Variants in OSBPL5 observed in about 807,000 individuals in gnomAD.
OSBPL5 encodes oxysterol binding protein like 5, also known as oxysterol-binding protein-related protein 5.
Under a neutral mutation model 111.2 loss-of-function variants are expected in OSBPL5, and 71 were observed. That is an observed-to-expected ratio of 0.64 (90% CI 0.53 to 0.78). OSBPL5 has a LOEUF of 0.78. OSBPL5 is among the 30% of genes least tolerant of loss of function. The pLI is 0.00. For missense variants in OSBPL5, 1,210 were observed against 1,189.3 expected, an observed-to-expected ratio of 1.02 and a Z score of -0.26; for synonymous variants, 549 against 513.9, an observed-to-expected ratio of 1.07 and a Z score of -0.93.
chr11:3,103,881 T>TTCCAGCCTCTGC (rs1564830854), intron 10 of OSBPL5, among the ~76,000 whole-genome samples: 4 of 49,870 alleles, frequency 8.0e-5, no homozygotes, highest in South Asian at 4.8e-4. Context: ...CCTGCCTCTG[T>TTCCAGCCTCTGC]AGCCCCATTC....
rs138283497 is a variant in OSBPL5, at chr11:3,138,233, G to A, written c.-21-9064C>T. 6.5e-3 allele frequency among the ~76,000 whole-genome samples: 987 copies of A among 152,300 alleles called. 6 individuals carry two copies. The highest frequency in any genetic ancestry group is 0.011 in the Non-Finnish European group (730 of 68,008). On this transcript the variant is annotated intron_variant, in intron 1 of 21. Transcript: ENST00000263650. ...CTTGGTACCCCGACCCCACACCCCTGTAGTCGATCACTCCACCAGCCCTAA... is the reference window on the plus strand; with the variant it reads ...CTTGGTACCCCGACCCCACACCCCTATAGTCGATCACTCCACCAGCCCTAA...
At position 3,142,027 on chromosome 11, in the gene OSBPL5, C is replaced by T. The variant is rs144900071; in HGVS notation, c.-21-12858G>A. The stretch of plus-strand genomic sequence containing the variant: ...TCCCGGGTTCAAGCAATTATCCTGC[C>T]TCAGCCTCCCGCGTTGCTGGGACTA... On this transcript the variant is annotated intron_variant, in intron 1 of 21. Transcript: ENST00000263650. The surrounding 1 kb of genome is among the most constrained non-coding windows in gnomAD (Gnocchi z 7.1). Among the ~76,000 whole-genome samples, 380 of 152,336 alleles carry T rather than the reference C, an allele frequency of 2.5e-3. 3 individuals carry two copies. Among genetic ancestry groups the T allele is most frequent in the African/African-American group, 8.4e-3 (349 of 41,594 alleles).
intron 1 of OSBPL5, among the ~76,000 whole-genome samples, chr11:3,155,403 G>A (rs763632772): frequency 1.9e-4 from 29 of 152,098 alleles, no homozygotes; most frequent in Non-Finnish European, 3.7e-4. Flanking sequence ...CCCAAGCACC[G>A]AGGGGGGATG....
At position 3,092,723 on chromosome 11, in the gene OSBPL5, G is replaced by T; in HGVS notation, c.2132+144C>A. 7.6e-7 allele frequency: 1 copy of T among 1,320,098 alleles called. No homozygotes were observed. Among genetic ancestry groups the T allele is most frequent in the South Asian group, 1.5e-5 (1 of 65,670 alleles). The allele number at this position is 1,320,098 out of a possible 1,614,324, so 81.8% of individuals were successfully genotyped here. A position where few individuals can be genotyped will look rare whatever the true frequency, so the allele number is the denominator to read the frequency against. ...CTGCAGTAAGGACTGATGATGGGGG[G>T]TGTCACTATCTGACCCTCCCCCACC... On this transcript the variant is annotated intron_variant, in intron 18 of 21. Transcript: ENST00000263650. This position sits in a 1 kb window ranked among gnomAD's most constrained non-coding sequence, Gnocchi z 5.4.
intron 7 of OSBPL5, among the ~76,000 whole-genome samples, chr11:3,115,946 C>T (rs1858193292): frequency 1.3e-5 from 2 of 150,514 alleles, no homozygotes; most frequent in Non-Finnish European, 2.9e-5. Flanking sequence ...GACTTGTAAT[C>T]CTACTTTGTA....
At position 3,103,833 on chromosome 11, in the gene OSBPL5, A is replaced by AGCCTGTGCCGCCCCCTTCCT. The variant is rs1554896364; in HGVS notation, c.1244+359_1244+360insAGGAAGGGGGCGGCACAGGC. On this transcript the variant is annotated intron_variant, in intron 10 of 21. Transcript: ENST00000263650. ...CTTCCTGCCTGCGCAGCCCCCTTCC[A>AGCCTGTGCCGCCCCCTTCCT]GCCTCTGCAGCCCCTTTCCAGTCTG... is the stretch of plus-strand genomic sequence containing the variant. 2.8e-3 allele frequency among the ~76,000 whole-genome samples: 224 copies of AGCCTGTGCCGCCCCCTTCCT among 79,300 alleles called. 4 individuals are homozygous for AGCCTGTGCCGCCCCCTTCCT. The highest frequency in any genetic ancestry group is 5.0e-3 in the Non-Finnish European group (181 of 35,910). 52.0% of individuals were successfully genotyped at this position (79,300 alleles called of 152,430 possible).
chr11:3,131,693 T>TCC (rs1258618132), intron 1 of OSBPL5, among the ~76,000 whole-genome samples: 1 of 124,212 alleles, frequency 8.1e-6, no homozygotes, highest in African/African-American at 3.5e-5. Flanking sequence ...CACCCACCCA[T>TCC]TCATCTATCC....
chr11:3,127,156 T>A (rs1485475207), intron 2 of OSBPL5, among the ~76,000 whole-genome samples: 1 of 152,198 alleles, frequency 6.6e-6, no homozygotes, highest in East Asian at 1.9e-4. Context: ...AGGTACGATT[T>A]CTGGACAGGA....
Position 3,126,362 on chromosome 11 carries a change from G to T in OSBPL5, c.219+111C>A. The T allele has an allele frequency of 3.1e-6, 3 of 968,986 alleles. No individual in the cohort carries two copies. The highest frequency in any genetic ancestry group is 4.4e-6 in the Non-Finnish European group (3 of 680,618). 60.0% of individuals were successfully genotyped at this position (968,986 alleles called of 1,614,324 possible). A position where few individuals can be genotyped will look rare whatever the true frequency, so the allele number is the denominator to read the frequency against. On this transcript the variant is annotated intron_variant, in intron 3 of 21. Coordinates refer to ENST00000263650, the MANE Select transcript of OSBPL5 (RefSeq NM_020896.4). This position sits in a 1 kb window ranked among gnomAD's most constrained non-coding sequence, Gnocchi z 6.5. ...ATTGGGAGCTGTTTCCCCCGAACAG[G>T]CTGGAATGGCAGGCTCAGCTGGACG...
intron 14 of OSBPL5, chr11:3,094,794 A>G (rs59772385): frequency 0.015 from 2,425 of 157,064 alleles, 46 homozygotes; most frequent in East Asian, 0.044. Flanking sequence ...GCTGCGTCCC[A>G]GGATGGCACC....
chr11:3,102,254 G>A lies in OSBPL5; in HGVS notation c.1354C>T (p.Leu452=), dbSNP rs776930994. Residue 452 remains leucine, a synonymous_variant, in exon 12 of 22, where the codon CTG becomes TTG. Coordinates refer to ENST00000263650, the MANE Select transcript of OSBPL5 (RefSeq NM_020896.4). ...CAGCAGCAGCGGAAGGTCTCCCCCA[G>A]GATGGGGTTGTACGGCTTCTTGATT... is the stretch of plus-strand genomic sequence containing the variant. ...KGIKKPYNPI[L]GETFRCCWFH... The A allele has an allele frequency of 1.2e-6, 2 of 1,606,482 alleles. No homozygotes were observed. Among genetic ancestry groups the A allele is most frequent in the East Asian group, 4.5e-5 (2 of 44,592 alleles).
intron 1 of OSBPL5, among the ~76,000 whole-genome samples, chr11:3,156,727 T>C (rs868387934): frequency 4.6e-5 from 7 of 152,378 alleles, no homozygotes; most frequent in South Asian, 4.1e-4. Flanking sequence ...ATTAACGATA[T>C]AGGCGTGATA....
intron 7 of OSBPL5, among the ~76,000 whole-genome samples, chr11:3,114,597 T>C (rs1313865212): frequency 9.3e-5 from 13 of 139,114 alleles, no homozygotes; most frequent in African/African-American, 2.2e-4. Flanking sequence ...AATGATTTTT[T>C]TTTTTTTTTT....
chr11:3,098,675 T>C (rs1021595384), intron 14 of OSBPL5, among the ~76,000 whole-genome samples: 3 of 151,830 alleles, frequency 2.0e-5, no homozygotes, highest in African/African-American at 7.3e-5. Flanking sequence ...CTGGCTAATT[T>C]TGTATATTTA....
At chr11:3,136,978 G>T (rs1490847614) in intron 1 of OSBPL5, among the ~76,000 whole-genome samples, 1 of 152,236 alleles carries the variant, frequency 6.6e-6, no homozygotes, top group African/African-American at 2.4e-5. Flanking sequence ...AGGAACATAA[G>T]CCCAAATGCT....
At chr11:3,119,676 G>T in intron 6 of OSBPL5, 45 bp from the exon 7 acceptor site, 1 of 1,546,226 alleles carries the variant, frequency 6.5e-7, no homozygotes. Context: ...AACACCCAGG[G>T]CCAGCTGCAC....
Position 3,090,661 on chromosome 11 carries a change from G to A in OSBPL5, c.2295C>T (p.Ser765=), listed in dbSNP as rs774946959. The part of the protein sequence containing the change: ...SGPDQRLRKA[S]DQPSGHSQAT... ...CCTGGCTGTGGCCGGAGGGCTGGTC[G>A]CTGGCCTTGCGAAGCCGCTGGTCTG... The change falls in exon 20 of 22, where the codon AGC becomes AGT. Residue 765 remains serine, a synonymous_variant. Coordinates refer to ENST00000263650, the MANE Select transcript of OSBPL5 (RefSeq NM_020896.4). 12 of 1,611,928 alleles carry A rather than the reference G, an allele frequency of 7.4e-6. No individual in the cohort carries two copies. The highest frequency in any genetic ancestry group is 6.7e-5 in the East Asian group (3 of 44,870).
chr11:3,108,803 T>C (rs540496063), intron 7 of OSBPL5, among the ~76,000 whole-genome samples: 1 of 152,346 alleles, frequency 6.6e-6, no homozygotes, highest in East Asian at 1.9e-4. Flanking sequence ...GGTTTTGCTC[T>C]TGTTGCCCAG....
In OSBPL5 at chr11:3,130,270, T is replaced by A. The variant is rs543098972; in HGVS notation, c.-21-1101A>T. Among the ~76,000 whole-genome samples the A allele has an allele frequency of 6.6e-6, 1 of 152,312 alleles. No individual in the cohort carries two copies. The highest frequency in any genetic ancestry group is 1.5e-5 in the Non-Finnish European group (1 of 68,026). Reference sequence around the variant, plus strand: ...TTGTGTCCACTTCCCAAGGGCGAGCTCCTTAAAAACTACTGGTCAATTTTC... The same window carrying A: ...TTGTGTCCACTTCCCAAGGGCGAGCACCTTAAAAACTACTGGTCAATTTTC... On this transcript the variant is annotated intron_variant, in intron 1 of 21. Transcript: ENST00000263650. The surrounding 1 kb of genome is among the most constrained non-coding windows in gnomAD (Gnocchi z 4.5).
Sources: gnomAD v4.1 joint callset for allele counts (sites outside exome capture counted in the v4.1 genomes callset) on GRCh38, gnomAD v4.1.1 for gene constraint, Gnocchi (gnomAD v3.1) non-coding constraint, MANE v1.5 for transcripts, NCBI Gene and HGNC (gene_info 2026-07-23, HGNC 2026-07-21) for gene names.